CDH7: variants seen among roughly 807,000 people sequenced by gnomAD.
The protein encoded by CDH7 is cadherin-7.
Under a neutral mutation model 71.8 loss-of-function variants are expected in CDH7, and 25 were observed. The observed-to-expected ratio is 0.35, with a 90% CI of 0.25 to 0.49. The LOEUF is 0.49. Among genes scored for constraint, CDH7 ranks in the 20% least tolerant of loss-of-function variants. The pLI is 0.99. For synonymous variants in CDH7, 381 were observed against 363.8 expected, an observed-to-expected ratio of 1.05 and a Z score of -0.54; for missense variants, 862 against 974.6, an observed-to-expected ratio of 0.88 and a Z score of 1.54.
At position 65,889,670 on chromosome 18, in the gene CDH7, ATAAC is replaced by A. The variant is rs1196982544; in HGVS notation, c.*8780_*8783del. 6.6e-6 allele frequency: 1 copy of A among 152,230 alleles called. No individual in the cohort carries two copies. Among genetic ancestry groups the A allele is most frequent in the Non-Finnish European group, 1.5e-5 (1 of 68,044 alleles). The allele number at this position is 152,230 out of a possible 1,614,324, so 9.4% of individuals were successfully genotyped here. ...ATCTATGATGGTGTATACTTGCAAA[ATAAC>A]TAAAGAGTGTATTTAAGATTTAAAT... is the stretch of plus-strand genomic sequence containing the variant. On this transcript the variant is annotated 3_prime_UTR_variant, in exon 12 of 12. Transcript: ENST00000397968.
At chr18:65,751,654 G>T (rs1239548876) in intron 1 of CDH7, among the ~76,000 whole-genome samples, 1 of 152,176 alleles carries the variant, frequency 6.6e-6, no homozygotes, top group Admixed American at 6.5e-5. Context: ...TTTACCTTTC[G>T]TGAAGGTGGA....
At position 65,862,931 on chromosome 18, in the gene CDH7, C is replaced by A; in HGVS notation, c.1864+14C>A. On this transcript the variant is annotated intron_variant, in intron 11 of 11. Transcript: ENST00000397968. ...TGACATTATTGGGTAGGTACTGTTT[C>A]CAGGGCTTGCTCTGAAAGAGCTGTC... 1.2e-6 allele frequency: 2 copies of A among 1,611,164 alleles called. No individual in the cohort carries two copies. The highest frequency in any genetic ancestry group is 2.2e-5 in the East Asian group (1 of 44,814).
intron 6 of CDH7, among the ~76,000 whole-genome samples, chr18:65,832,857 A>G (rs1257073882): frequency 1.3e-5 from 2 of 152,088 alleles, no homozygotes; most frequent in African/African-American, 4.8e-5. Flanking sequence ...TCAGTTTTCA[A>G]TATAAGTCTT....
At chr18:65,880,043 A>G (rs1914175345) in intron 11 of CDH7, among the ~76,000 whole-genome samples, 1 of 152,170 alleles carries the variant, frequency 6.6e-6, no homozygotes, top group Non-Finnish European at 1.5e-5. Context: ...CTTTCCAGCA[A>G]TTAAGGAGTT....
At position 65,883,239 on chromosome 18, in the gene CDH7, T is replaced by A. The variant is rs541378195; in HGVS notation, c.*2345T>A. ...CAGTGGTATTTTTTAATTAAAAAAA[T>A]TAATTTAAAAAATTAATTTTTGAGA... On this transcript the variant is annotated 3_prime_UTR_variant, in exon 12 of 12. Transcript: ENST00000397968. 5 of 152,150 alleles carry A rather than the reference T, an allele frequency of 3.3e-5. No homozygotes were observed. Among genetic ancestry groups the A allele is most frequent in the South Asian group, 2.1e-4 (1 of 4,830 alleles). 9.4% of individuals were successfully genotyped at this position (152,150 alleles called of 1,614,324 possible).
At chr18:65,752,963 T>C (rs1323798411) in intron 1 of CDH7, among the ~76,000 whole-genome samples, 1 of 152,218 alleles carries the variant, frequency 6.6e-6, no homozygotes, top group African/African-American at 2.4e-5. Flanking sequence ...ACAAGTCTTC[T>C]TAAGTCTACT....
At chr18:65,849,062 A>T (rs1038858061) in intron 7 of CDH7, among the ~76,000 whole-genome samples, 18 of 152,164 alleles carry the variant, frequency 1.2e-4, no homozygotes, top group Admixed American at 1.1e-3. Context: ...TAGCAAACCA[A>T]CCAGTAACAT....
intron 11 of CDH7, among the ~76,000 whole-genome samples, chr18:65,877,732 G>T (rs1465559155): frequency 6.6e-6 from 1 of 152,110 alleles, no homozygotes; most frequent in Non-Finnish European, 1.5e-5. Context: ...TCACTAAGAA[G>T]TCCTACTGGG....
intron 11 of CDH7, chr18:65,866,331 C>CAA (rs1291511991): frequency 3.1e-3 from 8 of 2,604 alleles, no homozygotes; most frequent in Non-Finnish European, 5.5e-3. Context: ...AAAAAAAAAA[C>CAA]AAAAAAAAAA....
intron 2 of CDH7, among the ~76,000 whole-genome samples, chr18:65,779,066 C>T (rs1041070643): frequency 7.9e-6 from 1 of 127,206 alleles, no homozygotes; most frequent in South Asian, 2.7e-4. Context: ...GGAGTCAAAT[C>T]ACTGTTTGTT....
At chr18:65,798,393 A>T (rs1225561978) in intron 2 of CDH7, among the ~76,000 whole-genome samples, 2 of 152,098 alleles carry the variant, frequency 1.3e-5, no homozygotes, top group Non-Finnish European at 2.9e-5. Flanking sequence ...CCCCTCTGTC[A>T]CCTGTGCCTC....
chr18:65,848,520 G>A (rs1417970335), intron 7 of CDH7, among the ~76,000 whole-genome samples: 2 of 150,678 alleles, frequency 1.3e-5, no homozygotes, highest in Non-Finnish European at 2.9e-5. Context: ...GGTAGTGTAA[G>A]TAGGGCTTCA....
intron 7 of CDH7, among the ~76,000 whole-genome samples, chr18:65,856,711 G>T (rs2144025276): frequency 6.6e-6 from 1 of 152,072 alleles, no homozygotes; most frequent in Admixed American, 6.6e-5. Context: ...TTTCCTGTTT[G>T]TTCTTTCGTT....
rs542332538 is a variant in CDH7, at chr18:65,856,029, C to T, written c.1236-1787C>T. ...AAAAAATGGGGGAAGCTGGCTCTCC[C>T]GCCGTAAGGACACTCAGGCAGTGTT... On this transcript the variant is annotated intron_variant, in intron 7 of 11. Coordinates refer to ENST00000397968, the MANE Select transcript of CDH7 (RefSeq NM_004361.5). Among the ~76,000 whole-genome samples the T allele has an allele frequency of 6.6e-5, 10 of 152,114 alleles. 1 individual carries two copies. Among genetic ancestry groups the T allele is most frequent in the South Asian group, 2.1e-4 (1 of 4,804 alleles).
intron 1 of CDH7, among the ~76,000 whole-genome samples, chr18:65,762,361 C>G (rs1050340696): frequency 1.3e-5 from 2 of 152,036 alleles, no homozygotes; most frequent in Non-Finnish European, 2.9e-5. Flanking sequence ...TAAAATAAAC[C>G]ATATGCTCAA....
intron 3 of CDH7, among the ~76,000 whole-genome samples, chr18:65,810,891 T>C (rs1305650224): frequency 6.6e-6 from 1 of 152,210 alleles, no homozygotes; most frequent in Non-Finnish European, 1.5e-5. Context: ...ATTCAAGGCC[T>C]TTTGTCATCG....
chr18:65,784,752 G>T (rs187688315), intron 2 of CDH7, among the ~76,000 whole-genome samples: 1 of 152,022 alleles, frequency 6.6e-6, no homozygotes, highest in African/African-American at 2.4e-5. Flanking sequence ...TCCTTAAATC[G>T]CTAAGCTTTT....
At chr18:65,767,214 A>G (rs1568174331) in intron 2 of CDH7, among the ~76,000 whole-genome samples, 1 of 152,012 alleles carries the variant, frequency 6.6e-6, no homozygotes, top group East Asian at 1.9e-4. Flanking sequence ...TTTGCTTTAA[A>G]TTTAAGCTTA....
At chr18:65,782,157 T>TCTTTCTTC (rs1213227627) in intron 2 of CDH7, among the ~76,000 whole-genome samples, 1 of 112,596 alleles carries the variant, frequency 8.9e-6, no homozygotes, top group Non-Finnish European at 1.7e-5. Flanking sequence ...TTTCTTTCTT[T>TCTTTCTTC]CTTTCTTCCT....
Sources: allele counts gnomAD v4.1 joint callset (sites outside exome capture counted in the v4.1 genomes callset), GRCh38; gene constraint gnomAD v4.1.1; transcripts MANE v1.5; gene names NCBI Gene and HGNC (gene_info 2026-07-23, HGNC 2026-07-21).